LYPD6: variants seen among roughly 807,000 people sequenced by gnomAD.
The protein encoded by LYPD6 is LY6/PLAUR domain containing 6.
LYPD6 carries 15 observed loss-of-function variants against 22.7 expected under a neutral mutation model. The observed-to-expected ratio is 0.66, with a 90% CI of 0.44 to 1.02. The LOEUF is 1.02. LYPD6 is among the 50% of genes least tolerant of loss of function. The pLI, the probability that LYPD6 is intolerant of heterozygous loss-of-function variation, is 0.00. For synonymous variants in LYPD6, 72 were observed against 77.5 expected, an observed-to-expected ratio of 0.93 and a Z score of 0.37; for missense variants, 189 against 208.4, an observed-to-expected ratio of 0.91 and a Z score of 0.57.
chr2:149,334,829 T>G (rs1681004549), intron 1 of LYPD6, among the ~76,000 whole-genome samples: 2 of 151,598 alleles, frequency 1.3e-5, no homozygotes, highest in South Asian at 2.1e-4. Context: ...GTCATGCACC[T>G]CATAACAATG....
intron 1 of LYPD6, among the ~76,000 whole-genome samples, chr2:149,367,268 G>C (rs1012034996): frequency 2.6e-5 from 4 of 152,148 alleles, no homozygotes; most frequent in Non-Finnish European, 5.9e-5. Context: ...CCACTTCCAT[G>C]CTCCCATGGT....
intron 1 of LYPD6, among the ~76,000 whole-genome samples, chr2:149,336,829 T>G (rs534072108): frequency 1.2e-4 from 18 of 152,244 alleles, no homozygotes; most frequent in African/African-American, 3.9e-4. Flanking sequence ...CTCATTTGAT[T>G]ATTATTTCTA....
chr2:149,354,737 A>T (rs1372346735), intron 1 of LYPD6, among the ~76,000 whole-genome samples: 1 of 152,184 alleles, frequency 6.6e-6, no homozygotes, highest in Non-Finnish European at 1.5e-5. Context: ...AATTAACCTT[A>T]TACATTGTGA....
At chr2:149,379,560 T>A (rs1426585856) in intron 1 of LYPD6, among the ~76,000 whole-genome samples, 2 of 152,242 alleles carry the variant, frequency 1.3e-5, no homozygotes, top group Non-Finnish European at 2.9e-5. Flanking sequence ...TTTATTCTCA[T>A]GATCGTGATT....
intron 3 of LYPD6, among the ~76,000 whole-genome samples, chr2:149,455,321 C>T (rs556241229): frequency 1.4e-4 from 21 of 149,206 alleles, no homozygotes; most frequent in African/African-American, 4.0e-4. Flanking sequence ...TGCAGTGGCA[C>T]GATCTCAGCT....
chr2:149,366,099 A>G (rs1681657164), intron 1 of LYPD6, among the ~76,000 whole-genome samples: 1 of 152,200 alleles, frequency 6.6e-6, no homozygotes, highest in South Asian at 2.1e-4. Context: ...TGATTAAACC[A>G]CATGGAATTT....
intron 1 of LYPD6, among the ~76,000 whole-genome samples, chr2:149,428,464 T>C (rs527490123): frequency 1.3e-5 from 2 of 152,306 alleles, no homozygotes; most frequent in African/African-American, 4.8e-5. Context: ...CAAGTTTCAT[T>C]CTCTTCTTCC....
downstream of LYPD6, among the ~76,000 whole-genome samples, chr2:149,478,092 G>A (rs564412695): frequency 6.6e-6 from 1 of 152,230 alleles, no homozygotes; most frequent in East Asian, 1.9e-4. Flanking sequence ...AGAATCACCT[G>A]GGGTAGGGGA....
chr2:149,471,018 TGTAGC>T lies in LYPD6; in HGVS notation c.*169_*173del. On this transcript the variant is annotated 3_prime_UTR_variant, in exon 5 of 5. Transcript: ENST00000334166. The stretch of plus-strand genomic sequence containing the variant: ...CCATGAGGAATAAATGTTGCTTCAT[TGTAGC>T]CATTTTGAGTCTAACCGAGACTCAT... The T allele has an allele frequency of 1.7e-6, 1 of 584,638 alleles. No homozygotes were observed. 36.2% of individuals were successfully genotyped at this position (584,638 alleles called of 1,614,324 possible). A position where few individuals can be genotyped will look rare whatever the true frequency, so the allele number is the denominator to read the frequency against.
chr2:149,462,981 G>C (rs1681119906), intron 3 of LYPD6, among the ~76,000 whole-genome samples: 1 of 151,976 alleles, frequency 6.6e-6, no homozygotes, highest in Non-Finnish European at 1.5e-5. Flanking sequence ...TCTAGGGCTA[G>C]GTGAGGTTCT....
At chr2:149,461,373 C>G (rs1359680048) in intron 3 of LYPD6, among the ~76,000 whole-genome samples, 3 of 151,706 alleles carry the variant, frequency 2.0e-5, no homozygotes, top group Admixed American at 2.0e-4. Flanking sequence ...TCCTATAACT[C>G]CTAAGAATTT....
chr2:149,474,344 T>C (rs1362807103), downstream of LYPD6, among the ~76,000 whole-genome samples: 1 of 151,690 alleles, frequency 6.6e-6, no homozygotes, highest in East Asian at 1.9e-4. Flanking sequence ...GACTACAGTA[T>C]AGGCATGTGC....
chr2:149,444,037 G>A (rs1329509594), intron 2 of LYPD6, among the ~76,000 whole-genome samples: 2 of 150,262 alleles, frequency 1.3e-5, no homozygotes, highest in East Asian at 2.0e-4. Context: ...GGGCTCAAGC[G>A]ATCCTCCCAC....
chr2:149,393,229 A>G (rs1018552729), intron 1 of LYPD6, among the ~76,000 whole-genome samples: 4 of 152,332 alleles, frequency 2.6e-5, no homozygotes, highest in African/African-American at 9.6e-5. Flanking sequence ...TTATGCATCT[A>G]TAGCTTCTCA....
intron 1 of LYPD6, among the ~76,000 whole-genome samples, chr2:149,396,233 CT>C (rs537348219): frequency 1.3e-5 from 2 of 150,956 alleles, no homozygotes; most frequent in South Asian, 2.1e-4. Flanking sequence ...TTGCCCTCTG[CT>C]TTTTTTTTCC....
intron 1 of LYPD6, among the ~76,000 whole-genome samples, chr2:149,406,560 GCCTT>G (rs1682713980): frequency 6.6e-6 from 1 of 151,866 alleles, no homozygotes; most frequent in Admixed American, 6.6e-5. Flanking sequence ...TGCAACCCCT[GCCTT>G]ATTTGTTTTC....
At chr2:149,479,035 T>C (rs1453435488), downstream of LYPD6, among the ~76,000 whole-genome samples, 1 of 152,166 alleles carries the variant, frequency 6.6e-6, no homozygotes, top group African/African-American at 2.4e-5. Flanking sequence ...ACTCACTCTT[T>C]ATACCAGTCC....
intron 1 of LYPD6, among the ~76,000 whole-genome samples, chr2:149,405,803 C>G (rs1448580282): frequency 1.3e-5 from 2 of 149,058 alleles, no homozygotes; most frequent in Admixed American, 1.3e-4. Flanking sequence ...TCTTGCTTTT[C>G]TAGTTCTTTT....
chr2:149,432,458 A>T (rs1247273251), intron 1 of LYPD6, among the ~76,000 whole-genome samples: 1 of 152,126 alleles, frequency 6.6e-6, no homozygotes, highest in Non-Finnish European at 1.5e-5. Context: ...GTCCGTCCAC[A>T]CTGGGTTATG....
Sources: allele counts gnomAD v4.1 joint callset (sites outside exome capture counted in the v4.1 genomes callset), GRCh38; gene constraint gnomAD v4.1.1; transcripts MANE v1.5; gene names NCBI Gene and HGNC (gene_info 2026-07-23, HGNC 2026-07-21).